The following LRRC4C variants were observed in gnomAD, a reference collection of about 807,000 sequenced individuals.
LRRC4C encodes leucine rich repeat containing 4C.
In LRRC4C, 5 loss-of-function variants were observed where a neutral mutation model predicts 33.6. The observed-to-expected ratio is 0.15, with a 90% CI of 0.08 to 0.31. The LOEUF (loss-of-function observed/expected upper bound fraction) is 0.31. Among genes scored for constraint, LRRC4C ranks in the 10% least tolerant of loss-of-function variants. The pLI, the probability that LRRC4C is intolerant of heterozygous loss-of-function variation, is 1.00. For missense variants in LRRC4C, 560 were observed against 796.7 expected, an observed-to-expected ratio of 0.70 and a Z score of 3.58; for synonymous variants, 329 against 302.0, an observed-to-expected ratio of 1.09 and a Z score of -0.93.
chr11:40,569,738 C>G (rs527770833), intron 3 of LRRC4C, among the ~76,000 whole-genome samples: 1 of 152,004 alleles, frequency 6.6e-6, no homozygotes, highest in Non-Finnish European at 1.5e-5. Context: ...AGTTCAACAT[C>G]TATACTGAGG....
At chr11:41,132,783 T>C (rs1943076498) in intron 1 of LRRC4C, among the ~76,000 whole-genome samples, 1 of 152,154 alleles carries the variant, frequency 6.6e-6, no homozygotes, top group African/African-American at 2.4e-5. Context: ...AATCTTCTTT[T>C]ATTAAGCAAT....
intron 2 of LRRC4C, among the ~76,000 whole-genome samples, chr11:40,866,629 T>C (rs1954382014): frequency 6.6e-6 from 1 of 152,086 alleles, no homozygotes; most frequent in Admixed American, 6.6e-5. Flanking sequence ...AGCTTGGGAG[T>C]CAAGCCAATT....
chr11:40,394,822 A>G (rs1335001440), intron 3 of LRRC4C, among the ~76,000 whole-genome samples: 1 of 152,206 alleles, frequency 6.6e-6, no homozygotes, highest in Non-Finnish European at 1.5e-5. Flanking sequence ...AACCTAAATC[A>G]GAGGAGTAGG....
chr11:41,454,058 A>G (rs1269069459), intron 1 of LRRC4C, among the ~76,000 whole-genome samples: 1 of 152,092 alleles, frequency 6.6e-6, no homozygotes, highest in Non-Finnish European at 1.5e-5. Context: ...ATTCATTTTA[A>G]GGATAAAAAG....
intron 1 of LRRC4C, among the ~76,000 whole-genome samples, chr11:41,276,886 CT>C (rs1949502196): frequency 6.6e-6 from 1 of 152,162 alleles, no homozygotes; most frequent in African/African-American, 2.4e-5. Context: ...CCTTTAGAGA[CT>C]CCAGGAGGAA....
intron 1 of LRRC4C, among the ~76,000 whole-genome samples, chr11:41,442,401 G>A (rs1955649285): frequency 6.7e-6 from 1 of 148,482 alleles, no homozygotes; most frequent in African/African-American, 2.5e-5. Flanking sequence ...CAACAAATAG[G>A]AACATTTAAA....
intron 3 of LRRC4C, chr11:40,446,788 A>C (rs1228110286): frequency 6.6e-6 from 1 of 152,170 alleles, no homozygotes; most frequent in African/African-American, 2.4e-5. Flanking sequence ...ACACTTATAA[A>C]ACCATCAGAT....
chr11:41,309,364 A>G (rs1430068188), intron 1 of LRRC4C, among the ~76,000 whole-genome samples: 4 of 152,210 alleles, frequency 2.6e-5, no homozygotes, highest in Non-Finnish European at 4.4e-5. Context: ...AGGATGGTGA[A>G]GAAGATAGCA....
At chr11:40,358,294 A>T (rs1448272293) in intron 3 of LRRC4C, among the ~76,000 whole-genome samples, 1 of 151,988 alleles carries the variant, frequency 6.6e-6, no homozygotes, top group African/African-American at 2.4e-5. Flanking sequence ...TTTTTTTGAG[A>T]CAGGGTCTCA....
intron 1 of LRRC4C, among the ~76,000 whole-genome samples, chr11:41,379,506 C>T (rs916435418): frequency 1.2e-4 from 19 of 152,092 alleles, no homozygotes; most frequent in Admixed American, 1.2e-3. Context: ...AAAGTTTTAA[C>T]TTTGGGCACA....
chr11:40,640,123 C>T (rs1350365122), intron 3 of LRRC4C, among the ~76,000 whole-genome samples: 1 of 152,140 alleles, frequency 6.6e-6, no homozygotes. Flanking sequence ...ATCACACAGT[C>T]AGAAAAACTG....
intron 2 of LRRC4C, among the ~76,000 whole-genome samples, chr11:40,758,233 T>C (rs1222198923): frequency 6.6e-6 from 1 of 152,158 alleles, no homozygotes; most frequent in East Asian, 1.9e-4. Flanking sequence ...AGCTATGTTC[T>C]ATTGAGTAAC....
At chr11:40,453,506 T>A (rs1951989139) in intron 3 of LRRC4C, among the ~76,000 whole-genome samples, 1 of 151,618 alleles carries the variant, frequency 6.6e-6, no homozygotes, top group South Asian at 2.1e-4. Context: ...ATTAATACAA[T>A]CCCAATGAAT....
chr11:40,155,669 C>A (rs1032727733), intron 5 of LRRC4C, among the ~76,000 whole-genome samples: 1 of 151,860 alleles, frequency 6.6e-6, no homozygotes, highest in Non-Finnish European at 1.5e-5. Context: ...AATCAGATAC[C>A]CTGAACAGAC....
intron 2 of LRRC4C, among the ~76,000 whole-genome samples, chr11:40,810,844 C>G (rs1166426245): frequency 6.6e-6 from 1 of 152,174 alleles, no homozygotes; most frequent in Non-Finnish European, 1.5e-5. Flanking sequence ...GCTAAATGAT[C>G]TGCCTGTACC....
intron 5 of LRRC4C, among the ~76,000 whole-genome samples, chr11:40,179,595 C>G (rs1249690873): frequency 6.6e-6 from 1 of 152,074 alleles, no homozygotes; most frequent in Non-Finnish European, 1.5e-5. Context: ...GTCTTCTTCT[C>G]CCCGGAGACT....
intron 6 of LRRC4C, among the ~76,000 whole-genome samples, chr11:40,128,543 T>C (rs1458895170): frequency 6.6e-6 from 1 of 152,240 alleles, no homozygotes; most frequent in African/African-American, 2.4e-5. Context: ...ATTAAAAATA[T>C]GTTCATGCTA....
intron 2 of LRRC4C, among the ~76,000 whole-genome samples, chr11:40,741,650 C>T: frequency 6.6e-6 from 1 of 151,998 alleles, no homozygotes; most frequent in East Asian, 1.9e-4. Context: ...GCAAATATTG[C>T]CTTGTAAACC....
At chr11:41,030,348 A>G (rs1223085760) in intron 1 of LRRC4C, among the ~76,000 whole-genome samples, 1 of 151,844 alleles carries the variant, frequency 6.6e-6, no homozygotes, top group Non-Finnish European at 1.5e-5. Context: ...ATTCTGTGCA[A>G]GAAGCCTCAG....
Sources: gnomAD v4.1 joint callset for allele counts (sites outside exome capture counted in the v4.1 genomes callset) on GRCh38, gnomAD v4.1.1 for gene constraint, MANE v1.5 for transcripts, NCBI Gene and HGNC (gene_info 2026-07-23, HGNC 2026-07-21) for gene names.